USP25: variants seen among roughly 807,000 people sequenced by gnomAD.
The protein encoded by USP25 is ubiquitin specific peptidase 25, also known as ubiquitin carboxyl-terminal hydrolase 25.
In USP25, 85 loss-of-function variants were observed where a neutral mutation model predicts 158.5. That is an observed-to-expected ratio of 0.54 (90% CI 0.45 to 0.64). The LOEUF (loss-of-function observed/expected upper bound fraction) is 0.64, where lower values mean the gene tolerates loss of function less well. Ranked by LOEUF, USP25 falls within the 30% of genes least tolerant of loss-of-function variation. The probability of loss-of-function intolerance (pLI) is 0.00; values close to 1 mark genes in which losing one functional copy is unlikely to be tolerated. For missense variants in USP25, 1,242 were observed against 1,327.3 expected (o/e 0.94, Z 1.00); for synonymous variants, 464 against 460.4 (o/e 1.01, Z -0.10).
chr21:15,784,972 GAA>G (rs200893666), intron 4 of USP25, among the ~76,000 whole-genome samples: 2 of 139,974 alleles, frequency 1.4e-5, no homozygotes, highest in African/African-American at 5.3e-5. Flanking sequence ...TGGATGGATT[GAA>G]AAAAAAAAAG....
In USP25 at chr21:15,861,107, C is replaced by A. The variant is rs528214649; in HGVS notation, c.2548-3161C>A. On this transcript the variant is annotated intron_variant, in intron 20 of 25. Coordinates refer to ENST00000400183, the MANE Select transcript of USP25 (RefSeq NM_001283041.3). ...GTAGAAATTATTTGCATCTTTAGAA[C>A]TGAACAAGGTCTCAAAAGCATGACT... Among the ~76,000 whole-genome samples the A allele has an allele frequency of 4.0e-5, 6 of 151,864 alleles. No individual in the cohort carries two copies. In the South Asian group the frequency reaches 1.2e-3, roughly 31 times the overall value.
chr21:15,866,501 A>G (rs542151824), intron 22 of USP25, among the ~76,000 whole-genome samples, 157 bp downstream of exon 22: 1 of 152,226 alleles, frequency 6.6e-6, no homozygotes, highest in African/African-American at 2.4e-5. Flanking sequence ...ATAATTTTAT[A>G]TGTGATTTTA....
chr21:15,829,012 C>A (rs908153330), intron 14 of USP25, among the ~76,000 whole-genome samples: 2 of 152,000 alleles, frequency 1.3e-5, no homozygotes, highest in Admixed American at 1.3e-4. Flanking sequence ...TTTCTTTCAT[C>A]CATATTGATG....
chr21:15,819,759 T>G (rs148567627), intron 10 of USP25, among the ~76,000 whole-genome samples: 1 of 152,288 alleles, frequency 6.6e-6, no homozygotes, highest in African/African-American at 2.4e-5. Flanking sequence ...TGTTCTTGTG[T>G]TTTTGAGAAC....
intron 1 of USP25, among the ~76,000 whole-genome samples, chr21:15,735,361 A>G (rs1296842276): frequency 6.6e-6 from 1 of 152,232 alleles, no homozygotes; most frequent in Non-Finnish European, 1.5e-5. Context: ...ATTCCCTAAC[A>G]ATACAGTATA....
At chr21:15,762,142 A>ACCAGCATGGCACATGTATAC (rs1555827614) in intron 1 of USP25, among the ~76,000 whole-genome samples, 17 of 151,336 alleles carry the variant, frequency 1.1e-4, no homozygotes, top group African/African-American at 2.7e-4. Flanking sequence ...AAAAGATTTC[A>ACCAGCATGGCACATGTATAC]ATAGATCCTA....
At chr21:15,841,959 G>A (rs2038356679) in intron 17 of USP25, among the ~76,000 whole-genome samples, 1 of 152,172 alleles carries the variant, frequency 6.6e-6, no homozygotes, top group Admixed American at 6.5e-5. Context: ...AAGATGGAAG[G>A]TTAGGTTCAT....
intron 3 of USP25, among the ~76,000 whole-genome samples, chr21:15,771,649 C>T (rs2034359492): frequency 6.6e-6 from 1 of 151,934 alleles, no homozygotes; most frequent in Non-Finnish European, 1.5e-5. Context: ...AGGGTATTTC[C>T]ATTCTTCTGG....
At chr21:15,769,005 G>A (rs1238246794) in intron 3 of USP25, among the ~76,000 whole-genome samples, 2 of 151,954 alleles carry the variant, frequency 1.3e-5, no homozygotes, top group Non-Finnish European at 2.9e-5. Context: ...GAATATCACT[G>A]TTTACAATGG....
At chr21:15,864,053 TA>T (rs1335246234) in intron 20 of USP25, among the ~76,000 whole-genome samples, 4 of 134,844 alleles carry the variant, frequency 3.0e-5, no homozygotes, top group South Asian at 2.3e-4. Context: ...TTTTTTTTTT[TA>T]AAAGAAGGGC....
intron 7 of USP25, chr21:15,805,589 A>G (rs1327100513): frequency 5.9e-6 from 1 of 170,312 alleles, no homozygotes; most frequent in African/African-American, 2.4e-5. Context: ...GTTTGCTGGC[A>G]GGGAGTACTT....
intron 17 of USP25, among the ~76,000 whole-genome samples, chr21:15,840,231 T>G (rs2038264780): frequency 6.6e-6 from 1 of 152,172 alleles, no homozygotes; most frequent in Admixed American, 6.5e-5. Context: ...AAAGTGTTTC[T>G]TAACAGGCAG....
At chr21:15,859,633 C>CT (rs2039328942) in intron 20 of USP25, among the ~76,000 whole-genome samples, 1 of 152,078 alleles carries the variant, frequency 6.6e-6, no homozygotes, top group African/African-American at 2.4e-5. Flanking sequence ...CTAGGGCAAA[C>CT]TTTTAAGTTT....
chr21:15,852,358 C>T (rs1347654365), intron 20 of USP25, among the ~76,000 whole-genome samples: 3 of 151,994 alleles, frequency 2.0e-5, no homozygotes, highest in South Asian at 2.1e-4. Context: ...CTGCCTGGGC[C>T]GACTGCTTTC....
chr21:15,785,737 G>A (rs1280112054), intron 4 of USP25, among the ~76,000 whole-genome samples: 2 of 152,124 alleles, frequency 1.3e-5, no homozygotes, highest in Admixed American at 6.6e-5. Flanking sequence ...CAGATTAACT[G>A]TGCAACTCAG....
At chr21:15,856,793 T>C (rs2039172358) in intron 20 of USP25, among the ~76,000 whole-genome samples, 1 of 151,478 alleles carries the variant, frequency 6.6e-6, no homozygotes, top group African/African-American at 2.4e-5. Flanking sequence ...TATTTGCTTC[T>C]TTTTCTTGAG....
chr21:15,878,318 A>G lies in USP25; in HGVS notation c.3221A>G (p.Lys1074Arg), dbSNP rs2040179593. ...GQEMEPHLQE[K>R]LTDFLPKLLD... ...GTATTTGCAGCACACCTCCAAGAAA[A>G]GCTGACAGATTTTTTGCCAAAACTG... The change falls in exon 26 of 26, where the codon AAG (lysine) becomes AGG (arginine). Residue 1074 changes from lysine (K) to arginine (R), a missense_variant. Around this residue, in one of 3 missense-constraint regions of USP25, gnomAD observed 608 missense variants for 605.2 expected, o/e 1.00. Transcript: ENST00000400183. The G allele has an allele frequency of 6.2e-7, 1 of 1,611,732 alleles. No individual in the cohort carries two copies. Among genetic ancestry groups the G allele is most frequent in the Admixed American group, 1.7e-5 (1 of 59,676 alleles).
At position 15,786,212 on chromosome 21, in the gene USP25, T is replaced by G. The variant is rs115206822; in HGVS notation, c.393-5290T>G. Among the ~76,000 whole-genome samples the G allele has an allele frequency of 2.4e-3, 363 of 152,166 alleles. 5 individuals carry two copies. Among genetic ancestry groups the G allele is most frequent in the African/African-American group, 8.5e-3 (351 of 41,534 alleles). ...TACATTGCTGAAGTGTGTCAAACAT[T>G]TAAGGAACAACTAATATTAATTCTC... On this transcript the variant is annotated intron_variant, in intron 4 of 25. Transcript: ENST00000400183.
At chr21:15,789,394 A>G (rs1305842314) in intron 4 of USP25, among the ~76,000 whole-genome samples, 1 of 152,136 alleles carries the variant, frequency 6.6e-6, no homozygotes. Context: ...TGATGTATGT[A>G]TGAACCATTT....
Sources: gnomAD v4.1 joint callset for allele counts (sites outside exome capture counted in the v4.1 genomes callset) on GRCh38, gnomAD v4.1.1 for gene constraint, gnomAD v4.1.1 regional missense constraint, MANE v1.5 for transcripts, NCBI Gene and HGNC (gene_info 2026-07-23, HGNC 2026-07-21) for gene names.